SMC2: variants seen among roughly 807,000 people sequenced by gnomAD.
SMC2 encodes structural maintenance of chromosomes 2.
Under a neutral mutation model 142.6 loss-of-function variants are expected in SMC2, and 41 were observed. The observed-to-expected ratio is 0.29, with a 90% CI of 0.22 to 0.37. SMC2 has a LOEUF of 0.37. Among genes scored for constraint, SMC2 ranks in the 10% least tolerant of loss-of-function variants. SMC2 has a pLI of 1.00. For missense variants in SMC2, 1,265 were observed against 1,373.7 expected (o/e 0.92, Z 1.25); for synonymous variants, 463 against 457.5 (o/e 1.01, Z -0.15).
rs1432005554 is a variant in SMC2, at chr9:104,095,540, C to T, written c.156C>T (p.Ser52=). 1 of 1,613,166 alleles carries T rather than the reference C, an allele frequency of 6.2e-7. No homozygotes were observed. The highest frequency in any genetic ancestry group is 1.7e-5 in the Admixed American group (1 of 60,010). ...LDSICFLLGI[S]NLSQVRASNL... ...CCATCTGCTTTTTGCTGGGCATCTC[C>T]AACCTGTCTCAGGTAAAGTGTAAAC... The change falls in exon 2 of 25, where the codon TCC becomes TCT. Residue 52 remains serine (S), a synonymous_variant. Transcript: ENST00000374793.
At chr9:104,130,046 C>A (rs1327114376) in intron 21 of SMC2, among the ~76,000 whole-genome samples, 1 of 152,058 alleles carries the variant, frequency 6.6e-6, no homozygotes, top group Non-Finnish European at 1.5e-5. Flanking sequence ...TTCTATTACA[C>A]CTGGAATGAC....
chr9:104,135,444 C>A (rs976368545), intron 23 of SMC2, among the ~76,000 whole-genome samples: 6 of 152,080 alleles, frequency 3.9e-5, no homozygotes, highest in African/African-American at 1.4e-4. Flanking sequence ...AAAGAAAAAA[C>A]AACCAGCTTT....
intron 8 of SMC2, 54 bp from the exon 9 acceptor site, chr9:104,102,370 G>T (rs996560709): frequency 1.4e-5 from 21 of 1,493,516 alleles, no homozygotes; most frequent in Non-Finnish European, 1.7e-5. Context: ...ACAATAAAAT[G>T]ACAGCGTGAA....
Position 104,129,704 on chromosome 9 carries a change from A to G in SMC2, c.2850A>G (p.Gln950=), listed in dbSNP as rs1181220564. Residue 950 remains glutamine (Q), a synonymous_variant, in exon 21 of 25, where the codon CAA becomes CAG. Coordinates refer to ENST00000374793, the MANE Select transcript of SMC2 (RefSeq NM_006444.3). ...ATGCAGAGAGACACCTCTTTGGCCA[A>G]CCCAATAGTGCCTATGATTTCAAAA... ...WINAERHLFG[Q]PNSAYDFKTN... 2.5e-6 allele frequency: 4 copies of G among 1,613,952 alleles called. No individual in the cohort carries two copies. Among genetic ancestry groups the G allele is most frequent in the Non-Finnish European group, 3.4e-6 (4 of 1,179,966 alleles).
Position 104,123,236 on chromosome 9 carries a change from A to G in SMC2, c.2257+4A>G, listed in dbSNP as rs16923707. 27,026 of 1,611,292 alleles carry G rather than the reference A, an allele frequency of 0.017. 1,369 individuals are homozygous for G. The African/African-American group carries it at 0.18, about 11-fold the overall frequency. Reference sequence around the variant, plus strand: ...GATGCCCTTAAAAAAACCATTGGTAAGATGAAAACAGTCCATGCTTAATCT... The same window carrying G: ...GATGCCCTTAAAAAAACCATTGGTAGGATGAAAACAGTCCATGCTTAATCT... On this transcript the variant is annotated splice_donor_region_variant and intron_variant, in intron 17 of 24. Coordinates refer to ENST00000374793, the MANE Select transcript of SMC2 (RefSeq NM_006444.3).
chr9:104,113,558 C>G, intron 11 of SMC2, 83 bp downstream of exon 11: 5 of 1,105,436 alleles, frequency 4.5e-6, no homozygotes, highest in Non-Finnish European at 6.2e-6. Flanking sequence ...AGAACGCAAG[C>G]AAGTAGGAAA....
intron 9 of SMC2, among the ~76,000 whole-genome samples, chr9:104,107,231 C>T (rs76425432): frequency 0.057 from 8,611 of 152,168 alleles, 648 homozygotes; most frequent in African/African-American, 0.18. Context: ...GTCACAGCGT[C>T]GCATGTAGTG....
At chr9:104,103,712 A>G (rs1768406395) in intron 9 of SMC2, among the ~76,000 whole-genome samples, 1 of 152,220 alleles carries the variant, frequency 6.6e-6, no homozygotes. Context: ...GTCCCAGTGA[A>G]GGTATACATT....
intron 16 of SMC2, 79 bp from the exon 17 acceptor site, chr9:104,123,029 T>C: frequency 4.2e-6 from 6 of 1,422,532 alleles, no homozygotes; most frequent in Non-Finnish European, 4.8e-6. Context: ...TTATTTAAGG[T>C]AAGAATCTGA....
rs970414378 is a variant in SMC2 at position 104,100,502 on chromosome 9, T to A, written c.636+69T>A. ...AAAGTCAGCAATGTATCCAAAATCATACACATAGTGATACTATTTCTTGGG... is the reference window on the plus strand; with the variant it reads ...AAAGTCAGCAATGTATCCAAAATCAAACACATAGTGATACTATTTCTTGGG... On this transcript the variant is annotated intron_variant, in intron 7 of 24. Coordinates refer to ENST00000374793, the MANE Select transcript of SMC2 (RefSeq NM_006444.3). 5 of 989,002 alleles carry A rather than the reference T, an allele frequency of 5.1e-6. No homozygotes were observed. The East Asian group carries it at 7.5e-5, about 15-fold the overall frequency. The allele number at this position is 989,002 out of a possible 1,614,324, so 61.3% of individuals were successfully genotyped here.
At chr9:104,090,429 C>G (rs561289276), upstream of SMC2, among the ~76,000 whole-genome samples, 2 of 152,050 alleles carry the variant, frequency 1.3e-5, no homozygotes, top group South Asian at 4.2e-4. Flanking sequence ...TTAGGAATAG[C>G]CAGCTACCGG....
rs187255971 is a variant in SMC2, at chr9:104,125,359, T to C, written c.2451+254T>C. On this transcript the variant is annotated intron_variant, in intron 18 of 24. Coordinates refer to ENST00000374793, the MANE Select transcript of SMC2 (RefSeq NM_006444.3). ...CAAAGGAAATGTTCATTGGAGCAGA[T>C]TGGATTTGGGATACTCAGTTACTCT... 1.2e-3 allele frequency among the ~76,000 whole-genome samples: 190 copies of C among 152,250 alleles called. 1 individual carries two copies. The highest frequency in any genetic ancestry group is 3.2e-3 in the Admixed American group (49 of 15,288).
At chr9:104,126,924 T>C (rs1226136435) in intron 19 of SMC2, 140 bp downstream of exon 19, 2 of 854,750 alleles carry the variant, frequency 2.3e-6, no homozygotes, top group Non-Finnish European at 3.5e-6. Context: ...CTTTTACTCA[T>C]CCAGAATTGC....
intron 4 of SMC2, among the ~76,000 whole-genome samples, chr9:104,098,932 TCA>T (rs1830799945): frequency 1.3e-5 from 2 of 152,128 alleles, no homozygotes; most frequent in Admixed American, 1.3e-4. Context: ...TCTTAGAGAC[TCA>T]CACAAATGAG....
Position 104,101,973 on chromosome 9 carries a change from A to C in SMC2, c.650A>C (p.Tyr217Ser). The C allele has an allele frequency of 1.3e-6, 2 of 1,590,998 alleles. No homozygotes were observed. Among genetic ancestry groups the C allele is most frequent in the South Asian group, 1.2e-5 (1 of 86,468 alleles). Residue 217 changes from tyrosine to serine, a missense_variant, in exon 8 of 25, where the codon TAC becomes TCC. By Grantham distance (144) the Tyr-to-Ser change is moderately radical (BLOSUM62 -2). Transcript: ENST00000374793. ...TTTCTCTTTCAGGAAAGATCGTCCT[A>C]CTTGGAGTACCAAAAAGTAATGAGA... ...IQKLKEERSSYLEYQKVMREI... is the reference protein window; with the variant it reads ...IQKLKEERSSSLEYQKVMREI...
chr9:104,116,001 C>G (rs947552123), intron 13 of SMC2, among the ~76,000 whole-genome samples, 199 bp from the exon 14 acceptor site: 1 of 149,308 alleles, frequency 6.7e-6, no homozygotes, highest in Admixed American at 6.7e-5. Context: ...AGCATCATGT[C>G]CTCTGGGTTT....
rs1046932121 is a variant in SMC2, at chr9:104,106,180, A to G, written c.1020+3607A>G. Among the ~76,000 whole-genome samples, 5 of 152,306 alleles carry G rather than the reference A, an allele frequency of 3.3e-5. No individual in the cohort carries two copies. The South Asian group carries it at 1.0e-3, about 32-fold the overall frequency. On this transcript the variant is annotated intron_variant, in intron 9 of 24. Transcript: ENST00000374793. ...CCTGTGAATAACAGGGTGCATGGAAAGTCCACTATATTCCACAAGAGACTG... is the reference window on the plus strand; with the variant it reads ...CCTGTGAATAACAGGGTGCATGGAAGGTCCACTATATTCCACAAGAGACTG...
chr9:104,111,873 G>C lies in SMC2; in HGVS notation c.1254+59G>C, dbSNP rs551501102. Reference sequence around the variant, plus strand: ...TTTTTTCCAAGAAGTTTCTTTTCATGTTATGCTTTGGCAATTGTTACATAA... The same window carrying C: ...TTTTTTCCAAGAAGTTTCTTTTCATCTTATGCTTTGGCAATTGTTACATAA... On this transcript the variant is annotated intron_variant, in intron 10 of 24. Coordinates refer to ENST00000374793, the MANE Select transcript of SMC2 (RefSeq NM_006444.3). 1.2e-4 allele frequency: 144 copies of C among 1,214,752 alleles called. 1 individual carries two copies. The South Asian group carries it at 1.9e-3, about 16-fold the overall frequency. 75.2% of individuals were successfully genotyped at this position (1,214,752 alleles called of 1,614,324 possible). A position where few individuals can be genotyped will look rare whatever the true frequency, so the allele number is the denominator to read the frequency against.
At chr9:104,133,538 C>T (rs1835208150) in intron 22 of SMC2, among the ~76,000 whole-genome samples, 1 of 152,106 alleles carries the variant, frequency 6.6e-6, no homozygotes. Context: ...TTGGAGATTT[C>T]TCTAGAGAAC....
Sources: allele counts gnomAD v4.1 joint callset (sites outside exome capture counted in the v4.1 genomes callset), GRCh38; gene constraint gnomAD v4.1.1; transcripts MANE v1.5; gene names NCBI Gene and HGNC (gene_info 2026-07-23, HGNC 2026-07-21).